ARHGEF2: variants seen among roughly 807,000 people sequenced by gnomAD.
The protein encoded by ARHGEF2 is Rho/Rac guanine nucleotide exchange factor 2, also known as rho guanine nucleotide exchange factor 2.
In ARHGEF2, 22 loss-of-function variants were observed where a neutral mutation model predicts 121.0. The ratio of observed to expected loss-of-function variants is 0.18; its 90% confidence interval spans 0.13 to 0.26. The LOEUF (loss-of-function observed/expected upper bound fraction) is 0.26. Ranked by LOEUF, ARHGEF2 falls within the 10% of genes least tolerant of loss-of-function variation. The pLI, the probability that ARHGEF2 is intolerant of heterozygous loss-of-function variation, is 1.00. For missense variants in ARHGEF2, 907 were observed against 1,336.0 expected (o/e 0.68, Z 5.01); for synonymous variants, 487 against 530.0 (o/e 0.92, Z 1.11).
In ARHGEF2 at chr1:155,969,137, C is replaced by T; in HGVS notation, c.208+19G>A. Reference sequence around the variant, plus strand: ...GTGGGCACCGAGTCTGGGTGACTCTCAGGGTCCAAACAACTTACTTGGGCA... The same window carrying T: ...GTGGGCACCGAGTCTGGGTGACTCTTAGGGTCCAAACAACTTACTTGGGCA... On this transcript the variant is annotated intron_variant, in intron 2 of 21. Transcript: ENST00000361247. The T allele has an allele frequency of 6.2e-7, 1 of 1,613,570 alleles. No individual in the cohort carries two copies. The highest frequency in any genetic ancestry group is 8.5e-7 in the Non-Finnish European group (1 of 1,179,574).
chr1:155,963,272 G>A (rs931523592), intron 7 of ARHGEF2, 89 bp from the exon 8 acceptor site: 3 of 1,299,538 alleles, frequency 2.3e-6, no homozygotes, highest in Non-Finnish European at 3.2e-6. Context: ...GTTCACGTGA[G>A]GTTTTCAAGG....
chr1:155,951,677 C>T lies in ARHGEF2; in HGVS notation c.2208+64G>A. 6.2e-7 allele frequency: 1 copy of T among 1,612,208 alleles called. No homozygotes were observed. The highest frequency in any genetic ancestry group is 8.5e-7 in the Non-Finnish European group (1 of 1,178,352). ...TTTCCCCACCCCACTCCAAACTGGGCTCTAACTACTCAGACTAAGAACATC... is the reference window on the plus strand; with the variant it reads ...TTTCCCCACCCCACTCCAAACTGGGTTCTAACTACTCAGACTAAGAACATC... On this transcript the variant is annotated intron_variant, in intron 18 of 21. Transcript: ENST00000361247. This position sits in a 1 kb window ranked among gnomAD's most constrained non-coding sequence, Gnocchi z 5.1.
intron 21 of ARHGEF2, among the ~76,000 whole-genome samples, chr1:155,948,476 CA>C (rs1674743705): frequency 2.0e-5 from 3 of 151,700 alleles, no homozygotes; most frequent in Admixed American, 6.6e-5. Context: ...CTAAAAATGC[CA>C]AAAATTAGCT....
At position 155,957,693 on chromosome 1, in the gene ARHGEF2, G is replaced by A; in HGVS notation, c.1715+20C>T. 6.3e-7 allele frequency: 1 copy of A among 1,596,986 alleles called. No individual in the cohort carries two copies. The highest frequency in any genetic ancestry group is 8.5e-7 in the Non-Finnish European group (1 of 1,172,184). On this transcript the variant is annotated intron_variant, in intron 13 of 21. Transcript: ENST00000361247. ...TACCCTGAGGTCATAAGCACATGCA[G>A]GCGGCAGGCAGACACTCACGTGCGC...
At chr1:155,972,547 C>T (rs1572192505) in intron 1 of ARHGEF2, among the ~76,000 whole-genome samples, 7 of 152,066 alleles carry the variant, frequency 4.6e-5, no homozygotes, top group Admixed American at 3.3e-4. Context: ...CTCCCATTTA[C>T]CCACGCCCAA....
intron 14 of ARHGEF2, among the ~76,000 whole-genome samples, chr1:155,953,962 A>G (rs756803565): frequency 2.5e-4 from 38 of 151,980 alleles, no homozygotes; most frequent in Non-Finnish European, 4.7e-4. Flanking sequence ...GACAGCAATA[A>G]TATTCTACCT....
At chr1:155,952,321 G>A in intron 15 of ARHGEF2, 86 bp from the exon 16 acceptor site, 2 of 1,562,470 alleles carry the variant, frequency 1.3e-6, no homozygotes, top group Non-Finnish European at 1.7e-6. Context: ...GGGACACTTG[G>A]GCATCTGGGG....
At chr1:155,975,806 G>A (rs1469250570) in intron 1 of ARHGEF2, among the ~76,000 whole-genome samples, 2 of 152,132 alleles carry the variant, frequency 1.3e-5, no homozygotes, top group Non-Finnish European at 2.9e-5. Flanking sequence ...GGCAGAAAAG[G>A]ACCCTTTGTT....
intron 7 of ARHGEF2, 112 bp downstream of exon 7, chr1:155,964,876 G>A (rs1374949317): frequency 3.3e-6 from 4 of 1,211,576 alleles, no homozygotes; most frequent in South Asian, 3.2e-5. Flanking sequence ...CTGGTTGAGA[G>A]AGTGAGACTC....
rs768933825 is a variant in ARHGEF2, at chr1:155,962,672, A to G, written c.1022T>C (p.Phe341Ser). 1.1e-5 allele frequency: 18 copies of G among 1,614,086 alleles called. No individual in the cohort carries two copies. Among genetic ancestry groups the G allele is most frequent in the Non-Finnish European group, 1.5e-5 (18 of 1,179,998 alleles). ...TAAGGCCTTGCTGTGGCGGCTGCAG[A>G]ACTCCGAGTAGGTCTTACACATCTG... The part of the protein sequence containing the change: ...AEQMCKTYSE[F>S]CSRHSKALKL... The change falls in exon 9 of 22, where the codon TTC becomes TCC. Residue 341 changes from phenylalanine to serine, a missense_variant. Physicochemically the swap from Phe to Ser is radical, Grantham distance 155. Coordinates refer to ENST00000361247, the MANE Select transcript of ARHGEF2 (RefSeq NM_001162383.2). The surrounding 1 kb of genome is among the most constrained non-coding windows in gnomAD (Gnocchi z 5.8).
In ARHGEF2 at chr1:155,950,323, G is replaced by C. The variant is rs1675151594; in HGVS notation, c.2863C>G (p.Leu955Val). Residue 955 changes from leucine to valine, a missense_variant, in exon 21 of 22, where the codon CTG becomes GTG. Leu to Val is a conservative substitution (Grantham distance 32). Transcript: ENST00000361247. This position sits in a 1 kb window ranked among gnomAD's most constrained non-coding sequence, Gnocchi z 5.2. ...CCTCGTGGACTGTGGGGCGGAGACA[G>C]ACGGCTGCTACCTTCCTCCTCGCTG... ...TGSEEEGSSR[L>V]SPPHSPRDFT... The C allele has an allele frequency of 1.2e-5, 19 of 1,613,188 alleles. No individual in the cohort carries two copies. The East Asian group carries it at 4.0e-4, about 34-fold the overall frequency.
intron 13 of ARHGEF2, among the ~76,000 whole-genome samples, chr1:155,956,514 G>A (rs1572089193): frequency 6.6e-6 from 1 of 151,978 alleles, no homozygotes; most frequent in East Asian, 1.9e-4. Context: ...TTCCCTGAAA[G>A]CTAAAGAAAA....
Position 155,950,510 on chromosome 1 carries a change from A to G in ARHGEF2, c.2704-28T>C. The G allele has an allele frequency of 6.2e-7, 1 of 1,607,378 alleles. No homozygotes were observed. The highest frequency in any genetic ancestry group is 8.5e-7 in the Non-Finnish European group (1 of 1,175,532). ...GTGGACAGTGGGCAGGAAGAACAGC[A>G]GGTCAGGGACTGAGTAGTGTGAAGA... On this transcript the variant is annotated intron_variant, in intron 20 of 21. Transcript: ENST00000361247. The surrounding 1 kb of genome is among the most constrained non-coding windows in gnomAD (Gnocchi z 5.2).
At chr1:155,970,827 T>C in intron 1 of ARHGEF2, 1 of 986,302 alleles carries the variant, frequency 1.0e-6, no homozygotes, top group Non-Finnish European at 1.2e-6. Context: ...ATCCTTCTCT[T>C]TCCTGCCTCT....
intron 1 of ARHGEF2, 45 bp from the exon 2 acceptor site, chr1:155,969,345 C>G: frequency 6.2e-7 from 1 of 1,609,648 alleles, no homozygotes; most frequent in Non-Finnish European, 8.5e-7. Context: ...TGGAAAATGC[C>G]AGGGTGCCTG....
In ARHGEF2 at chr1:155,947,972, G is replaced by C; in HGVS notation, c.2931C>G (p.Arg977=). The C allele has an allele frequency of 6.4e-7, 1 of 1,551,138 alleles. No individual in the cohort carries two copies. Among genetic ancestry groups the C allele is most frequent in the South Asian group, 1.2e-5 (1 of 84,032 alleles). Residue 977 remains arginine (R), a synonymous_variant, in exon 22 of 22, where the codon CGC becomes CGG. Transcript: ENST00000361247. Reference sequence around the variant, plus strand: ...TCTCGGAGGCTACAGCCTCCCCGTCGCGGCTCTCCGTCTCCTCCGGGATGT... The same window carrying C: ...TCTCGGAGGCTACAGCCTCCCCGTCCCGGCTCTCCGTCTCCTCCGGGATGT... The part of the protein sequence containing the change: ...MQDIPEETES[R]DGEAVASES
chr1:155,954,998 GAGAGAC>G, intron 13 of ARHGEF2, 29 bp from the exon 14 acceptor site: 1 of 1,594,546 alleles, frequency 6.3e-7, no homozygotes, highest in African/African-American at 1.3e-5. Flanking sequence ...GCATGCCATT[GAGAGAC>G]AGAAGCTAGG....
chr1:155,972,549 C>T (rs892449460), intron 1 of ARHGEF2, among the ~76,000 whole-genome samples: 1 of 152,080 alleles, frequency 6.6e-6, no homozygotes, highest in Admixed American at 6.5e-5. Flanking sequence ...CCCATTTACC[C>T]ACGCCCAAGT....
At position 155,965,190 on chromosome 1, in the gene ARHGEF2, G is replaced by A; in HGVS notation, c.581-59C>T. 6.2e-7 allele frequency: 1 copy of A among 1,609,212 alleles called. No homozygotes were observed. The highest frequency in any genetic ancestry group is 8.5e-7 in the Non-Finnish European group (1 of 1,176,570). On this transcript the variant is annotated intron_variant, in intron 6 of 21. Coordinates refer to ENST00000361247, the MANE Select transcript of ARHGEF2 (RefSeq NM_001162383.2). This position sits in a 1 kb window ranked among gnomAD's most constrained non-coding sequence, Gnocchi z 6.0. ...TTGAGTTCCCTTCCCTGGGTCCCTG[G>A]CCCTTCTCTAGATCCCTTCCCTCCT... is the stretch of plus-strand genomic sequence containing the variant.
Sources: gnomAD v4.1 joint callset for allele counts (sites outside exome capture counted in the v4.1 genomes callset) on GRCh38, gnomAD v4.1.1 for gene constraint, Gnocchi (gnomAD v3.1) non-coding constraint, MANE v1.5 for transcripts, NCBI Gene and HGNC (gene_info 2026-07-23, HGNC 2026-07-21) for gene names.